The following LIG1 variants were observed in gnomAD, a reference collection of about 807,000 sequenced individuals.
LIG1 encodes the protein ligase I, DNA, ATP-dependent.
Under a neutral mutation model 115.7 loss-of-function variants are expected in LIG1, and 70 were observed. The observed-to-expected ratio is 0.60, with a 90% CI of 0.50 to 0.74. LIG1 has a LOEUF of 0.74. LIG1 is among the 30% of genes least tolerant of loss of function. The pLI is 0.00. For synonymous variants in LIG1, 487 were observed against 495.3 expected, an observed-to-expected ratio of 0.98 and a Z score of 0.22; for missense variants, 1,115 against 1,225.6, an observed-to-expected ratio of 0.91 and a Z score of 1.35.
chr19:48,162,357 G>A lies in LIG1; in HGVS notation c.18-6C>T, dbSNP rs764492886. ...TCTTGGGGTGGAAAAATGACCTAGA[G>A]GAGCATAAAAGGGGGTAAAAAAAGG... On this transcript the variant is annotated splice_region_variant and splice_polypyrimidine_tract_variant and intron_variant, in intron 2 of 27. Coordinates refer to ENST00000263274, the MANE Select transcript of LIG1 (RefSeq NM_000234.3). 9.3e-6 allele frequency: 15 copies of A among 1,610,838 alleles called. No homozygotes were observed. The Admixed American group carries it at 1.7e-4, about 18-fold the overall frequency.
At chr19:48,167,011 G>C (rs1187050960) in intron 1 of LIG1, among the ~76,000 whole-genome samples, 2 of 150,448 alleles carry the variant, frequency 1.3e-5, no homozygotes, top group South Asian at 2.1e-4. Flanking sequence ...GAAAAGAAAG[G>C]GTTCTTAATC....
intron 4 of LIG1, chr19:48,161,118 A>T (rs1309416279): frequency 5.3e-6 from 3 of 563,310 alleles, no homozygotes; most frequent in Non-Finnish European, 9.6e-6. Flanking sequence ...TCACCCTATG[A>T]GGAAGGTGTT....
chr19:48,133,266 G>A (rs1270806184), intron 17 of LIG1, 169 bp from the exon 18 acceptor site: 1 of 619,476 alleles, frequency 1.6e-6, no homozygotes, highest in South Asian at 1.9e-5. Flanking sequence ...GGGGACTACA[G>A]CCCCCGGCCT....
intron 19 of LIG1, among the ~76,000 whole-genome samples, chr19:48,130,313 T>C (rs1364742880): frequency 1.3e-5 from 2 of 152,252 alleles, no homozygotes; most frequent in Non-Finnish European, 2.9e-5. Flanking sequence ...ATGGGCACCG[T>C]GCCCCCTGCT....
chr19:48,162,226 G>T, intron 3 of LIG1, 36 bp downstream of exon 3: 5 of 1,569,642 alleles, frequency 3.2e-6, no homozygotes, highest in Non-Finnish European at 4.4e-6. Flanking sequence ...GACTGCTAAA[G>T]GAAAAAATTC....
chr19:48,160,891 C>T (rs1260958796), intron 4 of LIG1, among the ~76,000 whole-genome samples: 2 of 152,098 alleles, frequency 1.3e-5, no homozygotes, highest in African/African-American at 4.8e-5. Context: ...CACCACCACA[C>T]CTGGCTAATT....
intron 21 of LIG1, 104 bp downstream of exon 21, chr19:48,127,173 T>C: frequency 2.2e-6 from 2 of 921,838 alleles, no homozygotes; most frequent in Non-Finnish European, 3.6e-6. Context: ...TTCCTGGCCA[T>C]GTGAAGTGGC....
intron 9 of LIG1, chr19:48,147,343 C>T (rs1427091810): frequency 1.3e-5 from 2 of 152,034 alleles, no homozygotes; most frequent in Non-Finnish European, 2.9e-5. Flanking sequence ...AAAACACAAT[C>T]TTTAGAGGAA....
chr19:48,150,099 C>T lies in LIG1; in HGVS notation c.686G>A (p.Ser229Asn), dbSNP rs2035372609. Reference protein sequence around the residue: ...KPPRRAPKTLSSFFTPRKPAV... With the variant: ...KPPRRAPKTLNSFFTPRKPAV... ...CAAGGGAAACTCACTGAAGAAGCTG[C>T]TGAGCGTCTTGGGAGCTCTGCGGGG... Residue 229 changes from serine (S) to asparagine (N), a missense_variant, in exon 8 of 28, where the codon AGC becomes AAC. Ser to Asn is a conservative substitution (Grantham distance 46). Transcript: ENST00000263274. 3.7e-6 allele frequency: 6 copies of T among 1,614,080 alleles called. No homozygotes were observed. In the Admixed American group the frequency reaches 8.3e-5, roughly 22 times the overall value.
intron 11 of LIG1, among the ~76,000 whole-genome samples, chr19:48,141,285 A>G (rs2034731490): frequency 1.3e-5 from 2 of 152,160 alleles, no homozygotes; most frequent in Admixed American, 6.5e-5. Flanking sequence ...GCGCACCACC[A>G]TGCCCGGCTA....
chr19:48,147,383 T>C (rs2035184987), intron 9 of LIG1: 2 of 152,140 alleles, frequency 1.3e-5, no homozygotes, highest in East Asian at 1.9e-4. Flanking sequence ...TATATGATTA[T>C]GTAAGAAATC....
At chr19:48,121,543 T>C (rs1283685479) in intron 23 of LIG1, among the ~76,000 whole-genome samples, 2 of 152,194 alleles carry the variant, frequency 1.3e-5, no homozygotes, top group East Asian at 1.9e-4. Flanking sequence ...GGCTCATGCC[T>C]GTAATCCCAG....
At chr19:48,156,391 A>G (rs571305174) in intron 5 of LIG1, among the ~76,000 whole-genome samples, 11 of 152,226 alleles carry the variant, frequency 7.2e-5, no homozygotes, top group African/African-American at 9.6e-5. Context: ...ATGACCCACA[A>G]TGACTGAGCC....
chr19:48,143,383 G>C (rs1208981474), intron 11 of LIG1, among the ~76,000 whole-genome samples, 160 bp downstream of exon 11: 1 of 152,200 alleles, frequency 6.6e-6, no homozygotes, highest in Non-Finnish European at 1.5e-5. Context: ...AGGACCTGCA[G>C]CCGCTTTTGT....
intron 2 of LIG1, among the ~76,000 whole-genome samples, chr19:48,162,596 G>A (rs540856287): frequency 6.6e-6 from 1 of 152,146 alleles, no homozygotes; most frequent in South Asian, 2.1e-4. Flanking sequence ...ACCATGCCCA[G>A]CTAATTTTTT....
At chr19:48,143,507 A>AGGGGGGGGGGGGGGG in intron 11 of LIG1, 36 bp downstream of exon 11, 1 of 550,512 alleles carries the variant, frequency 1.8e-6, no homozygotes, top group Non-Finnish European at 3.6e-6. Flanking sequence ...CCCAGAAGCG[A>AGGGGGGGGGGGGGGG]CCCCGCCCCC....
At chr19:48,131,934 C>CTTT (rs34833018) in intron 18 of LIG1, among the ~76,000 whole-genome samples, 1 of 131,876 alleles carries the variant, frequency 7.6e-6, no homozygotes, top group Non-Finnish European at 1.6e-5. Context: ...TGGATCCACC[C>CTTT]TTTTTTTTTT....
intron 4 of LIG1, among the ~76,000 whole-genome samples, chr19:48,159,131 G>A (rs1316680447): frequency 6.6e-6 from 1 of 151,230 alleles, no homozygotes; most frequent in Non-Finnish European, 1.5e-5. Flanking sequence ...AGGCTGGAGT[G>A]CAATGGCACG....
chr19:48,133,432 C>CATTG (rs1329714555), intron 17 of LIG1: 4 of 368,270 alleles, frequency 1.1e-5, no homozygotes, highest in Non-Finnish European at 2.1e-5. Context: ...TGATCACAGA[C>CATTG]ATTGGGGTGA....
Sources: gnomAD v4.1 joint callset for allele counts (sites outside exome capture counted in the v4.1 genomes callset) on GRCh38, gnomAD v4.1.1 for gene constraint, MANE v1.5 for transcripts, NCBI Gene and HGNC (gene_info 2026-07-23, HGNC 2026-07-21) for gene names.